PTK2: variants seen among roughly 807,000 people sequenced by gnomAD.
PTK2 encodes protein tyrosine kinase 2, also known as focal adhesion kinase 1.
Under a neutral mutation model 150.1 loss-of-function variants are expected in PTK2, and 45 were observed. The ratio of observed to expected loss-of-function variants is 0.30; its 90% CI spans 0.24 to 0.38. The LOEUF is 0.38. Ranked by LOEUF, PTK2 falls within the 10% of genes least tolerant of loss-of-function variation. The pLI is 1.00. For synonymous variants in PTK2, 432 were observed against 449.2 expected (o/e 0.96, Z 0.48); for missense variants, 919 against 1,307.3 (o/e 0.70, Z 4.58).
chr8:140,979,758 C>A (rs1266603686), intron 1 of PTK2, among the ~76,000 whole-genome samples: 1 of 152,154 alleles, frequency 6.6e-6, no homozygotes, highest in Non-Finnish European at 1.5e-5. Context: ...TTCATGAGAT[C>A]TGATGGTTTT....
intron 7 of PTK2, among the ~76,000 whole-genome samples, chr8:140,842,047 A>C (rs1433707306): frequency 6.6e-6 from 1 of 152,076 alleles, no homozygotes; most frequent in Non-Finnish European, 1.5e-5. Context: ...TTAAACATAA[A>C]GTTGAATAAA....
intron 23 of PTK2, among the ~76,000 whole-genome samples, chr8:140,712,559 G>A (rs2100037412): frequency 6.6e-6 from 1 of 152,004 alleles, no homozygotes; most frequent in Admixed American, 6.6e-5. Flanking sequence ...ATTAAGGGGG[G>A]AAAAAAGGAG....
intron 2 of PTK2, among the ~76,000 whole-genome samples, chr8:140,923,379 A>T (rs2100168261): frequency 6.6e-6 from 1 of 152,236 alleles, no homozygotes; most frequent in Admixed American, 6.5e-5. Flanking sequence ...AACCCATAAC[A>T]CAATCTCAGT....
chr8:140,700,519 C>T (rs1481012051), intron 26 of PTK2, among the ~76,000 whole-genome samples: 19 of 150,318 alleles, frequency 1.3e-4, no homozygotes, highest in African/African-American at 4.2e-4. Flanking sequence ...GAGTTTCACT[C>T]GTCGCCCAGG....
chr8:140,932,583 T>C (rs1206406341), intron 1 of PTK2, among the ~76,000 whole-genome samples: 1 of 152,202 alleles, frequency 6.6e-6, no homozygotes, highest in Admixed American at 6.5e-5. Context: ...ATAATTACAA[T>C]GTAATTTTTA....
At chr8:140,931,061 A>G (rs959040226) in intron 1 of PTK2, among the ~76,000 whole-genome samples, 7 of 136,922 alleles carry the variant, frequency 5.1e-5, no homozygotes, top group African/African-American at 1.9e-4. Flanking sequence ...GCAGAGCGAG[A>G]CTCTGTCTCA....
chr8:140,850,343 TTGAAC>T (rs2100128417), intron 5 of PTK2, among the ~76,000 whole-genome samples: 1 of 151,336 alleles, frequency 6.6e-6, no homozygotes, highest in Non-Finnish European at 1.5e-5. Flanking sequence ...GGAGAATTGC[TTGAAC>T]CCAGGAGGCG....
chr8:140,921,951 T>C (rs577507966), intron 2 of PTK2, among the ~76,000 whole-genome samples: 1 of 152,298 alleles, frequency 6.6e-6, no homozygotes, highest in East Asian at 1.9e-4. Context: ...CCTGGTGCCT[T>C]TGTTCTCCGA....
intron 4 of PTK2, among the ~76,000 whole-genome samples, chr8:140,874,053 C>T (rs1161494721): frequency 6.6e-6 from 1 of 152,176 alleles, no homozygotes; most frequent in Non-Finnish European, 1.5e-5. Flanking sequence ...ACTTGTACAT[C>T]TCATAGATTT....
At chr8:140,961,100 C>A (rs1328816172) in intron 1 of PTK2, among the ~76,000 whole-genome samples, 3 of 152,206 alleles carry the variant, frequency 2.0e-5, no homozygotes, top group Non-Finnish European at 2.9e-5. Flanking sequence ...AACCTGAATT[C>A]CAGTCCTAGT....
intron 8 of PTK2, among the ~76,000 whole-genome samples, chr8:140,825,976 A>T (rs2100111543): frequency 6.6e-6 from 1 of 152,238 alleles, no homozygotes; most frequent in Non-Finnish European, 1.5e-5. Context: ...TATATCCCAG[A>T]TTCCATTTTT....
Position 140,837,581 on chromosome 8 carries a change from T to C in PTK2, c.594-7055A>G, listed in dbSNP as rs544600578. The stretch of plus-strand genomic sequence containing the variant: ...CCATCGCTACTAAAAATAAAAAAAT[T>C]AGCTGGGCGTGGTGGTGCACACCTG... On this transcript the variant is annotated intron_variant, in intron 7 of 31. Coordinates refer to ENST00000522684, the Ensembl canonical transcript of PTK2. Among the ~76,000 whole-genome samples, 7 of 148,528 alleles carry C rather than the reference T, an allele frequency of 4.7e-5. No homozygotes were observed. In the South Asian group the frequency reaches 1.5e-3, roughly 32 times the overall value.
At chr8:140,979,526 A>AGGTTGGAGG (rs1267535181) in intron 1 of PTK2, among the ~76,000 whole-genome samples, 1 of 152,204 alleles carries the variant, frequency 6.6e-6, no homozygotes. Context: ...CCACAATAAG[A>AGGTTGGAGG]TATGACACAA....
At chr8:140,856,600 G>A (rs1483114603) in intron 5 of PTK2, among the ~76,000 whole-genome samples, 2 of 152,150 alleles carry the variant, frequency 1.3e-5, no homozygotes, top group African/African-American at 4.8e-5. Context: ...AAACACAGGA[G>A]CAATGGTTGC....
chr8:140,880,189 A>C (rs1363857523), intron 3 of PTK2, among the ~76,000 whole-genome samples: 1 of 152,234 alleles, frequency 6.6e-6, no homozygotes, highest in South Asian at 2.1e-4. Flanking sequence ...ATTCGGGCCT[A>C]ATCAGTTTAT....
At chr8:140,895,949 T>C (rs1187263317) in intron 2 of PTK2, among the ~76,000 whole-genome samples, 1 of 151,932 alleles carries the variant, frequency 6.6e-6, no homozygotes, top group African/African-American at 2.4e-5. Context: ...AAAAACAAAA[T>C]TGATACACCT....
chr8:140,691,987 CT>C (rs1249683408), intron 26 of PTK2, among the ~76,000 whole-genome samples: 1 of 152,148 alleles, frequency 6.6e-6, no homozygotes, highest in Non-Finnish European at 1.5e-5. Flanking sequence ...GAAATATTTA[CT>C]GTTTTACTTA....
chr8:140,746,684 CTG>C lies in PTK2; in HGVS notation c.1518+74_1518+75del, dbSNP rs1453959992. On this transcript the variant is annotated intron_variant, in intron 18 of 31. Coordinates refer to ENST00000522684, the Ensembl canonical transcript of PTK2. Reference sequence around the variant, plus strand: ...CTCTCCTGAAAATCCAAGATATAAACTGTTTATATTTTCCTTTCTTAAGCAAA... The same window carrying C: ...CTCTCCTGAAAATCCAAGATATAAACTTTATATTTTCCTTTCTTAAGCAAA... The C allele has an allele frequency of 3.0e-5, 33 of 1,097,814 alleles. No individual in the cohort carries two copies. In the South Asian group the frequency reaches 3.7e-4, roughly 12 times the overall value. The allele number at this position is 1,097,814 out of a possible 1,614,324, so 68.0% of individuals were successfully genotyped here.
intron 23 of PTK2, among the ~76,000 whole-genome samples, chr8:140,707,505 G>A (rs1476390355): frequency 6.6e-6 from 1 of 152,148 alleles, no homozygotes; most frequent in Admixed American, 6.5e-5. Context: ...TCCCGGGTTT[G>A]AGTGATTCTC....
Sources: gnomAD v4.1 joint callset for allele counts (sites outside exome capture counted in the v4.1 genomes callset) on GRCh38, gnomAD v4.1.1 for gene constraint, MANE v1.5 for transcripts, NCBI Gene and HGNC (gene_info 2026-07-23, HGNC 2026-07-21) for gene names.